Variants in GSDME observed in about 807,000 individuals in gnomAD.
GSDME encodes gasdermin E.
Under a neutral mutation model 47.5 loss-of-function variants are expected in GSDME, and 44 were observed. That is an observed-to-expected ratio of 0.93 (90% CI 0.73 to 1.19). GSDME has a LOEUF of 1.19. Among genes scored for constraint, GSDME ranks in the 50% most tolerant of loss-of-function variants. The pLI is 0.00. For synonymous variants in GSDME, 258 were observed against 252.8 expected (o/e 1.02, Z -0.20); for missense variants, 663 against 604.2 (o/e 1.10, Z -1.02).
intron 6 of GSDME, 36 bp from the exon 7 acceptor site, chr7:24,708,290 C>A (rs367937038): frequency 6.2e-7 from 1 of 1,613,292 alleles, no homozygotes; most frequent in Non-Finnish European, 8.5e-7. Flanking sequence ...CTCATGACTG[C>A]GATGCACATC....
intron 7 of GSDME, chr7:24,707,220 T>C: frequency 2.3e-6 from 1 of 441,236 alleles, no homozygotes; most frequent in Non-Finnish European, 4.6e-6. Flanking sequence ...AAGCACTAAA[T>C]CAGTTATTCA....
the GSDME span, among the ~76,000 whole-genome samples, chr7:24,787,449 C>T: frequency 6.6e-6 from 1 of 152,164 alleles, no homozygotes; most frequent in African/African-American, 2.4e-5. This position sits in a 1 kb window ranked among gnomAD's most constrained non-coding sequence, Gnocchi z 5.0. Context: ...CCGTATGGTG[C>T]TATCTGGGTC....
chr7:24,755,179 C>T (rs1217419895), intron 1 of GSDME, among the ~76,000 whole-genome samples: 2 of 152,184 alleles, frequency 1.3e-5, no homozygotes, highest in Non-Finnish European at 2.9e-5. Context: ...TGGCACAGAG[C>T]ATCAACATCA....
At chr7:24,782,093 T>A in the GSDME span, among the ~76,000 whole-genome samples, 5 of 152,238 alleles carry the variant, frequency 3.3e-5, no homozygotes, top group Admixed American at 3.3e-4. Context: ...ATACTTTAAG[T>A]TCTAGGATAC....
At chr7:24,777,642 T>C in the GSDME span, among the ~76,000 whole-genome samples, 13,188 of 121,854 alleles carry the variant, frequency 0.11, 790 homozygotes, top group Non-Finnish European at 0.15. Context: ...CAAGTGTTCT[T>C]CCAGGCTCTG....
rs543377294 is a variant in GSDME, at chr7:24,712,436, T to C, written c.698-2048A>G. Among the ~76,000 whole-genome samples, 5 of 152,332 alleles carry C rather than the reference T, an allele frequency of 3.3e-5. No individual in the cohort carries two copies. The South Asian group carries it at 1.0e-3, about 32-fold the overall frequency. ...TCACCTTCACCCATGCATAGCTCCC[T>C]GAGGGCGCCACCAATTAATTCCTTC... On this transcript the variant is annotated intron_variant, in intron 5 of 9. Transcript: ENST00000645220. The surrounding 1 kb of genome is among the most constrained non-coding windows in gnomAD (Gnocchi z 4.4).
chr7:24,755,564 T>A (rs967457341), intron 1 of GSDME, among the ~76,000 whole-genome samples: 11 of 152,372 alleles, frequency 7.2e-5, no homozygotes, highest in African/African-American at 2.6e-4. Context: ...TGTCCCTCAC[T>A]TTAAGGAGAA....
rs528785049 is a variant in GSDME at position 24,714,573 on chromosome 7, C to T, written c.697+2681G>A. The stretch of plus-strand genomic sequence containing the variant: ...GATCCAGAACGAGCCAAGGGAAGGC[C>T]GAGATATCCCCAGGGTACCTCTTCT... On this transcript the variant is annotated intron_variant, in intron 5 of 9. Coordinates refer to ENST00000645220, the MANE Select transcript of GSDME (RefSeq NM_001127453.2). The surrounding 1 kb of genome is among the most constrained non-coding windows in gnomAD (Gnocchi z 5.0). Among the ~76,000 whole-genome samples, 17 of 152,188 alleles carry T rather than the reference C, an allele frequency of 1.1e-4. No homozygotes were observed. In the East Asian group the frequency reaches 1.2e-3, roughly 10 times the overall value.
rs780183026 is a variant in GSDME, at chr7:24,710,222, A to T, written c.862+2T>A. On this transcript the variant is annotated splice_donor_variant, in intron 6 of 9. Transcript: ENST00000645220. LOFTEE classifies it high-confidence loss of function. ...CCACTACTCCTGCCCTGCTGGCAAT[A>T]CCTTGCTTTAAAACACTTAATGGTC... The T allele has an allele frequency of 1.9e-6, 3 of 1,613,466 alleles. No individual in the cohort carries two copies. Among genetic ancestry groups the T allele is most frequent in the Non-Finnish European group, 1.7e-6 (2 of 1,180,014 alleles).
Position 24,742,180 on chromosome 7 carries a change from T to C in GSDME, c.404+2382A>G, listed in dbSNP as rs1298117635. Among the ~76,000 whole-genome samples, 6 of 152,126 alleles carry C rather than the reference T, an allele frequency of 3.9e-5. No individual in the cohort carries two copies. In the East Asian group the frequency reaches 1.2e-3, roughly 29 times the overall value. On this transcript the variant is annotated intron_variant, in intron 3 of 9. Transcript: ENST00000645220. The surrounding 1 kb of genome is among the most constrained non-coding windows in gnomAD (Gnocchi z 4.4). ...TCCATGATTCACCCACCAAGTATCCTCCCTAGGGACGCGGGTTCATGCCTC... is the reference window on the plus strand; with the variant it reads ...TCCATGATTCACCCACCAAGTATCCCCCCTAGGGACGCGGGTTCATGCCTC...
chr7:24,780,974 A>G, the GSDME span, among the ~76,000 whole-genome samples: 1 of 152,258 alleles, frequency 6.6e-6, no homozygotes, highest in African/African-American at 2.4e-5. This position sits in a 1 kb window ranked among gnomAD's most constrained non-coding sequence, Gnocchi z 4.1. Context: ...ACCTTGACGC[A>G]GGGACTCAGG....
chr7:24,733,616 A>C lies in GSDME; in HGVS notation c.404+10946T>G, dbSNP rs1790212412. Among the ~76,000 whole-genome samples, 1 of 152,158 alleles carries C rather than the reference A, an allele frequency of 6.6e-6. No individual in the cohort carries two copies. The highest frequency in any genetic ancestry group is 6.5e-5 in the Admixed American group (1 of 15,274). The stretch of plus-strand genomic sequence containing the variant: ...AGCTGACTAAAGAGCCCCTGGCCTT[A>C]AGTGAATATGGGTGGTGGCCTGGCA... On this transcript the variant is annotated intron_variant, in intron 3 of 9. Coordinates refer to ENST00000645220, the MANE Select transcript of GSDME (RefSeq NM_001127453.2). The surrounding 1 kb of genome is among the most constrained non-coding windows in gnomAD (Gnocchi z 4.3).
chr7:24,715,995 G>A (rs957132904), intron 5 of GSDME, among the ~76,000 whole-genome samples: 3 of 152,164 alleles, frequency 2.0e-5, no homozygotes, highest in Non-Finnish European at 4.4e-5. Flanking sequence ...AGCACACGAG[G>A]ACACTGAGCA....
chr7:24,706,359 G>A lies in GSDME; in HGVS notation c.1008C>T (p.Ser336=), dbSNP rs748513265. 14 of 1,612,660 alleles carry A rather than the reference G, an allele frequency of 8.7e-6. No homozygotes were observed. The highest frequency in any genetic ancestry group is 1.9e-4 in the Middle Eastern group (1 of 5,196). Residue 336 remains serine, a synonymous_variant, in exon 8 of 10, where the codon AGC becomes AGT. Coordinates refer to ENST00000645220, the MANE Select transcript of GSDME (RefSeq NM_001127453.2). Reference sequence around the variant, plus strand: ...GCACCGCCACTGTGGGCGAGAGGCCGCTGACCAGGTCATCGCACTGTAGGG... The same window carrying A: ...GCACCGCCACTGTGGGCGAGAGGCCACTGACCAGGTCATCGCACTGTAGGG... ...VLEPVCDDLV[S]GLSPTVAVLG...
upstream of GSDME, among the ~76,000 whole-genome samples, chr7:24,759,818 T>C (rs569288629): frequency 2.0e-5 from 3 of 152,358 alleles, no homozygotes; most frequent in South Asian, 4.1e-4. Flanking sequence ...CCCAGTCTGC[T>C]GCTCTCCCTG....
intron 4 of GSDME, 29 bp from the exon 5 acceptor site, chr7:24,717,403 G>A (rs1166528703): frequency 6.2e-7 from 1 of 1,613,868 alleles, no homozygotes; most frequent in Non-Finnish European, 8.5e-7. Flanking sequence ...ACTCCCACCT[G>A]TGCACTCGGG....
Position 24,708,266 on chromosome 7 carries a change from A to G in GSDME, c.863-12T>C. The G allele has an allele frequency of 6.2e-7, 1 of 1,613,830 alleles. No individual in the cohort carries two copies. Among genetic ancestry groups the G allele is most frequent in the Non-Finnish European group, 8.5e-7 (1 of 1,180,008 alleles). On this transcript the variant is annotated splice_polypyrimidine_tract_variant and intron_variant, in intron 6 of 9. Coordinates refer to ENST00000645220, the MANE Select transcript of GSDME (RefSeq NM_001127453.2). ...CAGGAGCAGGGTCGCTGTGAAAACA[A>G]AGCACACCCAAGTCTCATGACTGCG...
intron 5 of GSDME, among the ~76,000 whole-genome samples, chr7:24,713,495 C>T (rs543083236): frequency 1.3e-5 from 2 of 152,264 alleles, no homozygotes; most frequent in East Asian, 3.9e-4. Context: ...CCAGAAAAGC[C>T]ATCTGATGGT....
the GSDME span, among the ~76,000 whole-genome samples, chr7:24,766,151 A>G: frequency 6.7e-6 from 1 of 149,410 alleles, no homozygotes; most frequent in Non-Finnish European, 1.5e-5. This position sits in a 1 kb window ranked among gnomAD's most constrained non-coding sequence, Gnocchi z 4.2. Context: ...CAGTCTAGTG[A>G]TTTCTATGGC....
Sources: gnomAD v4.1 joint callset for allele counts (sites outside exome capture counted in the v4.1 genomes callset) on GRCh38, gnomAD v4.1.1 for gene constraint, Gnocchi (gnomAD v3.1) non-coding constraint, MANE v1.5 for transcripts, NCBI Gene and HGNC (gene_info 2026-07-23, HGNC 2026-07-21) for gene names.